Variants in ASTN2 observed in about 807,000 individuals in gnomAD.
ASTN2 encodes the protein astrotactin 2.
In ASTN2, 54 loss-of-function variants were observed where a neutral mutation model predicts 139.8. The observed-to-expected ratio is 0.39, with a 90% CI of 0.31 to 0.48. The LOEUF is 0.48. ASTN2 is among the 20% of genes least tolerant of loss of function. The probability of loss-of-function intolerance (pLI) is 0.95; values close to 1 mark genes in which losing one functional copy is unlikely to be tolerated. For synonymous variants in ASTN2, 756 were observed against 719.5 expected, an observed-to-expected ratio of 1.05 and a Z score of -0.81; for missense variants, 1,565 against 1,725.1, an observed-to-expected ratio of 0.91 and a Z score of 1.64.
chr9:116,899,685 G>A (rs1019099964), intron 10 of ASTN2, among the ~76,000 whole-genome samples: 1 of 152,090 alleles, frequency 6.6e-6, no homozygotes, highest in Non-Finnish European at 1.5e-5. Context: ...GCTCCTTCCT[G>A]AAACAAAACC....
intron 1 of ASTN2, among the ~76,000 whole-genome samples, chr9:117,412,099 C>T (rs868726337): frequency 2.6e-5 from 4 of 150,994 alleles, no homozygotes; most frequent in African/African-American, 7.3e-5. Context: ...TACACACAAA[C>T]AGTGGAAGAC....
At position 116,604,557 on chromosome 9, in the gene ASTN2, T is replaced by C. The variant is rs139531181; in HGVS notation, c.3355+13767A>G. Among the ~76,000 whole-genome samples the C allele has an allele frequency of 1.8e-4, 28 of 152,208 alleles. 1 individual carries two copies. The highest frequency in any genetic ancestry group is 9.2e-4 in the Admixed American group (14 of 15,278). ...CAGAGAGCAGGCGGGTGAGGTCCCC[T>C]CTAGTTTCTCAGATGAACAGCATGG... On this transcript the variant is annotated intron_variant, in intron 19 of 22. Transcript: ENST00000313400.
At chr9:116,933,028 A>G in intron 10 of ASTN2, among the ~76,000 whole-genome samples, 1 of 144,712 alleles carries the variant, frequency 6.9e-6, no homozygotes, top group African/African-American at 2.6e-5. Context: ...AAAAAAAAAA[A>G]AGAGCTACAA....
chr9:117,306,281 G>C (rs1342390873), intron 1 of ASTN2, among the ~76,000 whole-genome samples: 2 of 152,140 alleles, frequency 1.3e-5, no homozygotes, highest in Non-Finnish European at 2.9e-5. Flanking sequence ...GGAAGCTTTT[G>C]GGCATAATTT....
At chr9:117,065,277 A>C (rs924760645) in intron 5 of ASTN2, among the ~76,000 whole-genome samples, 4 of 152,180 alleles carry the variant, frequency 2.6e-5, no homozygotes, top group Non-Finnish European at 4.4e-5. Flanking sequence ...ACTTTCTGTT[A>C]TTTTAAGCCA....
At chr9:116,952,625 G>A (rs148877293) in intron 10 of ASTN2, among the ~76,000 whole-genome samples, 10 of 152,282 alleles carry the variant, frequency 6.6e-5, no homozygotes, top group African/African-American at 1.7e-4. Flanking sequence ...ATGAATTGCC[G>A]TCTTTGCAGA....
chr9:116,984,867 A>T (rs1836632659), intron 7 of ASTN2, among the ~76,000 whole-genome samples: 1 of 152,124 alleles, frequency 6.6e-6, no homozygotes, highest in Admixed American at 6.5e-5. Flanking sequence ...CCAGCCCTTG[A>T]TTCTTCCTCT....
At chr9:116,725,370 ACCCAAGATCTT>A (rs1828590608) in intron 16 of ASTN2, among the ~76,000 whole-genome samples, 1 of 151,420 alleles carries the variant, frequency 6.6e-6, no homozygotes, top group African/African-American at 2.4e-5. Context: ...GGAGAGAAGA[ACCCAAGATCTT>A]CTTGGGTTCT....
intron 16 of ASTN2, among the ~76,000 whole-genome samples, chr9:116,718,908 A>T (rs1362423346): frequency 1.4e-5 from 2 of 146,654 alleles, no homozygotes; most frequent in Non-Finnish European, 3.0e-5. Context: ...TAATTATGTT[A>T]GACAATTTAT....
At chr9:117,151,189 A>G (rs561463325) in intron 3 of ASTN2, among the ~76,000 whole-genome samples, 2 of 152,110 alleles carry the variant, frequency 1.3e-5, no homozygotes, top group Non-Finnish European at 1.5e-5. Flanking sequence ...AACAAGTAAC[A>G]AAAATCTTAA....
At chr9:116,969,226 C>T (rs116189659) in intron 10 of ASTN2, among the ~76,000 whole-genome samples, 2,774 of 152,286 alleles carry the variant, frequency 0.018, 97 homozygotes, top group African/African-American at 0.064. Flanking sequence ...AGATGAGGAA[C>T]ATGAACTCAA....
intron 17 of ASTN2, among the ~76,000 whole-genome samples, chr9:116,647,399 A>G (rs1249213021): frequency 6.6e-6 from 1 of 152,202 alleles, no homozygotes; most frequent in African/African-American, 2.4e-5. Context: ...CAAGGAGAAC[A>G]GTGACATCTA....
intron 1 of ASTN2, among the ~76,000 whole-genome samples, chr9:117,327,708 G>T (rs929488599): frequency 6.6e-6 from 1 of 152,166 alleles, no homozygotes; most frequent in African/African-American, 2.4e-5. Context: ...AAGTCCCTAG[G>T]GAGGTTGTGA....
At chr9:116,625,022 G>A (rs977651191) in intron 17 of ASTN2, among the ~76,000 whole-genome samples, 3 of 152,186 alleles carry the variant, frequency 2.0e-5, no homozygotes, top group Non-Finnish European at 4.4e-5. Flanking sequence ...CAAAGAAAAT[G>A]TGTGTGCATG....
intron 3 of ASTN2, among the ~76,000 whole-genome samples, chr9:117,172,162 C>T (rs73531094): frequency 3.3e-5 from 5 of 152,128 alleles, no homozygotes; most frequent in East Asian, 1.9e-4. Flanking sequence ...ATAAGGGGTG[C>T]TAGAATTATT....
chr9:117,146,872 T>C (rs1337938468), intron 3 of ASTN2, among the ~76,000 whole-genome samples: 7 of 152,200 alleles, frequency 4.6e-5, no homozygotes, highest in Non-Finnish European at 7.3e-5. Context: ...TAATTTATTG[T>C]ATTTTTTCAA....
intron 13 of ASTN2, among the ~76,000 whole-genome samples, chr9:116,750,573 C>T (rs1236467818): frequency 6.6e-6 from 1 of 152,134 alleles, no homozygotes; most frequent in African/African-American, 2.4e-5. Flanking sequence ...TTCTCTTTCC[C>T]TCTCTCTTTT....
intron 4 of ASTN2, among the ~76,000 whole-genome samples, chr9:117,105,662 C>T (rs1301779391): frequency 4.6e-5 from 7 of 151,756 alleles, no homozygotes; most frequent in Non-Finnish European, 8.8e-5. Context: ...TCCCCTTTTC[C>T]AGTCCTACAA....
At chr9:116,429,121 C>T (rs2118814393) in intron 22 of ASTN2, among the ~76,000 whole-genome samples, 1 of 152,092 alleles carries the variant, frequency 6.6e-6, no homozygotes, top group Middle Eastern at 3.4e-3. Flanking sequence ...GGCGGATCAC[C>T]TGAGATCAGG....
Sources: allele counts gnomAD v4.1 joint callset (sites outside exome capture counted in the v4.1 genomes callset), GRCh38; gene constraint gnomAD v4.1.1; transcripts MANE v1.5; gene names NCBI Gene and HGNC (gene_info 2026-07-23, HGNC 2026-07-21).